Variants in KLF8 observed in about 807,000 individuals in gnomAD.
KLF8 encodes the protein KLF transcription factor 8, also known as Krueppel-like factor 8.
Under a neutral mutation model 18.2 loss-of-function variants are expected in KLF8, and 10 were observed. The ratio of observed to expected loss-of-function variants is 0.55; its 90% confidence interval spans 0.34 to 0.93. KLF8 has a LOEUF of 0.93. Ranked by LOEUF, KLF8 falls within the 40% of genes least tolerant of loss-of-function variation. The pLI is 0.02. For synonymous variants in KLF8, 109 were observed against 97.3 expected, an observed-to-expected ratio of 1.12 and a Z score of -0.71; for missense variants, 264 against 277.9, an observed-to-expected ratio of 0.95 and a Z score of 0.36.
intron 2 of KLF8, among the ~76,000 whole-genome samples, chrX:56,264,506 A>T (rs757189070): frequency 9.1e-5 from 10 of 110,390 alleles, no homozygotes; most frequent in South Asian, 3.8e-4. Flanking sequence ...AGTTTTTTTT[A>T]AAAATCCCAG....
At chrX:56,158,799 G>T in the KLF8 span, among the ~76,000 whole-genome samples, 1 of 111,581 alleles carries the variant, frequency 9.0e-6, no homozygotes, top group African/African-American at 3.3e-5. Context: ...GAGACAATGG[G>T]GTTTTCTAGA....
At chrX:56,081,439 G>A in the KLF8 span, among the ~76,000 whole-genome samples, 6 of 111,848 alleles carry the variant, frequency 5.4e-5, no homozygotes, top group Admixed American at 1.9e-4. Context: ...AGTAGTTTCC[G>A]TGTTTCATTT....
At chrX:55,939,543 A>G in the KLF8 span, among the ~76,000 whole-genome samples, 4 of 112,062 alleles carry the variant, frequency 3.6e-5, no homozygotes, top group African/African-American at 1.3e-4. Context: ...GAACTGAAGG[A>G]AATAGAGACA....
At chrX:56,106,906 T>A in the KLF8 span, among the ~76,000 whole-genome samples, 3 of 112,287 alleles carry the variant, frequency 2.7e-5, no homozygotes, top group South Asian at 1.1e-3. Flanking sequence ...TTGGTGTAGA[T>A]ACCATTTTTA....
chrX:56,177,702 G>A, the KLF8 span, among the ~76,000 whole-genome samples: 3 of 111,675 alleles, frequency 2.7e-5, no homozygotes, highest in South Asian at 7.5e-4. Flanking sequence ...CCCCAGAGGT[G>A]GAGTCTACAG....
At chrX:55,986,758 A>G in the KLF8 span, among the ~76,000 whole-genome samples, 1 of 112,027 alleles carries the variant, frequency 8.9e-6, no homozygotes, top group Non-Finnish European at 1.9e-5. Flanking sequence ...GGTAAATTGC[A>G]TGTCATGGGA....
chrX:56,269,988 C>G (rs1224509343), intron 4 of KLF8, among the ~76,000 whole-genome samples, 194 bp from the exon 5 acceptor site: 1 of 111,855 alleles, frequency 8.9e-6, no homozygotes, highest in Non-Finnish European at 1.9e-5. Flanking sequence ...ACTGAGGGAC[C>G]TGTACCTACT....
At chrX:56,163,345 G>A in the KLF8 span, among the ~76,000 whole-genome samples, 1 of 112,127 alleles carries the variant, frequency 8.9e-6, no homozygotes, top group Non-Finnish European at 1.9e-5. Context: ...GTAATAACAA[G>A]TGATGTTGAG....
intron 5 of KLF8, among the ~76,000 whole-genome samples, chrX:56,278,680 G>A (rs1407247603): frequency 9.0e-6 from 1 of 111,209 alleles, no homozygotes; most frequent in African/African-American, 3.3e-5. Context: ...TATATCATAT[G>A]CTCCCCGCAA....
At chrX:56,016,172 A>C in the KLF8 span, among the ~76,000 whole-genome samples, 58,077 of 110,502 alleles carry the variant, frequency 0.53, 13,684 homozygotes, top group East Asian at 0.75. Context: ...CCTTGGGCAA[A>C]TCATTTAGCC....
At chrX:56,182,244 T>A in the KLF8 span, among the ~76,000 whole-genome samples, 1 of 112,501 alleles carries the variant, frequency 8.9e-6, no homozygotes, top group Non-Finnish European at 1.9e-5. Context: ...TTCTTCCAGT[T>A]GATCGAATCG....
the KLF8 span, among the ~76,000 whole-genome samples, chrX:56,125,391 G>A: frequency 1.8e-5 from 2 of 111,787 alleles, no homozygotes; most frequent in African/African-American, 6.5e-5. Flanking sequence ...AGATGGAATA[G>A]ATACCTTGAC....
At chrX:56,269,591 AGAGTAAGAATTT>A (rs2067024156) in intron 4 of KLF8, 102 bp downstream of exon 4, 1 of 1,032,558 alleles carries the variant, frequency 9.7e-7, no homozygotes, top group African/African-American at 1.9e-5. Flanking sequence ...ATCAGACACA[AGAGTAAGAATTT>A]GAGGACAAGA....
At chrX:56,089,642 G>T in the KLF8 span, among the ~76,000 whole-genome samples, 1 of 112,352 alleles carries the variant, frequency 8.9e-6, no homozygotes, top group African/African-American at 3.2e-5. Context: ...ACACAGACAG[G>T]TGAATACAGA....
chrX:56,084,715 T>C, the KLF8 span, among the ~76,000 whole-genome samples: 1 of 112,499 alleles, frequency 8.9e-6, no homozygotes, highest in Non-Finnish European at 1.9e-5. Context: ...AAAAGCTCTT[T>C]AAAGTAGCCA....
At chrX:56,256,222 G>A (rs1197796380) in intron 2 of KLF8, among the ~76,000 whole-genome samples, 1 of 111,327 alleles carries the variant, frequency 9.0e-6, no homozygotes, top group Non-Finnish European at 1.9e-5. Flanking sequence ...AATATCAGTT[G>A]TAATGTCTCC....
At chrX:56,078,032 G>T in the KLF8 span, among the ~76,000 whole-genome samples, 1 of 109,299 alleles carries the variant, frequency 9.1e-6, no homozygotes, top group African/African-American at 3.5e-5. Context: ...CAGCTTAAGG[G>T]GATTTTGGGT....
At chrX:56,240,189 T>C (rs2066525951) in intron 1 of KLF8, among the ~76,000 whole-genome samples, 1 of 112,418 alleles carries the variant, frequency 8.9e-6, no homozygotes, top group Admixed American at 9.4e-5. Flanking sequence ...ATGTGTAGCG[T>C]TGAATTGGCT....
chrX:56,007,999 A>T, the KLF8 span, among the ~76,000 whole-genome samples: 1 of 110,439 alleles, frequency 9.1e-6, no homozygotes, highest in African/African-American at 3.3e-5. Flanking sequence ...ATAGGAAGAT[A>T]TTTCAGTGAG....
Sources: allele counts gnomAD v4.1 joint callset (sites outside exome capture counted in the v4.1 genomes callset), GRCh38; gene constraint gnomAD v4.1.1; transcripts MANE v1.5; gene names NCBI Gene and HGNC (gene_info 2026-07-23, HGNC 2026-07-21).